The following SMCO4 variants were observed in gnomAD, a reference collection of about 807,000 sequenced individuals.
The protein encoded by SMCO4 is single-pass membrane protein with coiled-coil domains 4.
SMCO4 carries 4 observed loss-of-function variants against 3.6 expected under a neutral mutation model. The ratio of observed to expected loss-of-function variants is 1.11; its 90% CI spans 0.54 to 2.53. SMCO4 has a LOEUF of 2.53. Among genes scored for constraint, SMCO4 ranks in the 30% most tolerant of loss-of-function variants. SMCO4 has a pLI of 0.02. For missense variants in SMCO4, 70 were observed against 80.8 expected (o/e 0.87, Z 0.51); for synonymous variants, 36 against 35.3 (o/e 1.02, Z -0.07).
At chr11:93,525,061 G>A (rs1243373744) in intron 1 of SMCO4, among the ~76,000 whole-genome samples, 1 of 152,090 alleles carries the variant, frequency 6.6e-6, no homozygotes, top group African/African-American at 2.4e-5. Context: ...ATGGGCCAAG[G>A]AGCCACTACT....
intron 1 of SMCO4, among the ~76,000 whole-genome samples, chr11:93,542,912 T>C (rs1385369255): frequency 1.3e-5 from 2 of 152,096 alleles, no homozygotes; most frequent in East Asian, 3.9e-4. Context: ...CCCTTTGCAC[T>C]GCGTCCCCCG....
At chr11:93,501,772 G>T (rs1165450532) in intron 1 of SMCO4, among the ~76,000 whole-genome samples, 3 of 152,120 alleles carry the variant, frequency 2.0e-5, no homozygotes, top group South Asian at 4.1e-4. Flanking sequence ...AACTACGGCG[G>T]GTTTGGGTAT....
Position 93,522,403 on chromosome 11 carries a change from T to C in SMCO4, c.-154+20873A>G, listed in dbSNP as rs183686525. On this transcript the variant is annotated intron_variant, in intron 1 of 2. Coordinates refer to ENST00000298966, the MANE Select transcript of SMCO4 (RefSeq NM_020179.3). ...GTTCTGTCTTTCTCAGCAGAGGGGCTGTGGGCATGGGAGGAAGGGAGACAA... is the reference window on the plus strand; with the variant it reads ...GTTCTGTCTTTCTCAGCAGAGGGGCCGTGGGCATGGGAGGAAGGGAGACAA... Among the ~76,000 whole-genome samples, 162 of 152,310 alleles carry C rather than the reference T, an allele frequency of 1.1e-3. 1 individual carries two copies. The highest frequency in any genetic ancestry group is 1.7e-3 in the Non-Finnish European group (118 of 68,020).
At position 93,478,890 on chromosome 11, in the gene SMCO4, G is replaced by A; in HGVS notation, c.*120C>T. 2 of 1,439,494 alleles carry A rather than the reference G, an allele frequency of 1.4e-6. No individual in the cohort carries two copies. The highest frequency in any genetic ancestry group is 1.8e-6 in the Non-Finnish European group (2 of 1,098,076). The allele number at this position is 1,439,494 out of a possible 1,614,324, so 89.2% of individuals were successfully genotyped here. A position where few individuals can be genotyped will look rare whatever the true frequency, so the allele number is the denominator to read the frequency against. ...TCAAGTCAAAGACCAGAGAAGACAG[G>A]GTGCTCCTGCTTACAGCTCAGCAAC... On this transcript the variant is annotated 3_prime_UTR_variant, in exon 3 of 3. Transcript: ENST00000298966.
chr11:93,482,054 A>G (rs952534052), intron 2 of SMCO4, among the ~76,000 whole-genome samples: 5 of 152,254 alleles, frequency 3.3e-5, no homozygotes, highest in African/African-American at 1.2e-4. Flanking sequence ...AGGCATGGAA[A>G]AAAGCCTCAA....
intron 1 of SMCO4, among the ~76,000 whole-genome samples, chr11:93,521,325 G>A (rs1360824279): frequency 6.6e-6 from 1 of 152,170 alleles, no homozygotes; most frequent in Non-Finnish European, 1.5e-5. Flanking sequence ...GACCCAACAT[G>A]AGTCACTTAA....
intron 2 of SMCO4, among the ~76,000 whole-genome samples, chr11:93,480,070 GT>G (rs1948574037): frequency 6.6e-6 from 1 of 152,212 alleles, no homozygotes; most frequent in African/African-American, 2.4e-5. Context: ...GAATACAAAT[GT>G]TTGGATAACT....
intron 1 of SMCO4, among the ~76,000 whole-genome samples, chr11:93,542,997 C>T (rs1488062473): frequency 6.6e-6 from 1 of 151,814 alleles, no homozygotes; most frequent in Non-Finnish European, 1.5e-5. Flanking sequence ...CTTTTCCCAG[C>T]CCCCGCCCCG....
upstream of SMCO4, among the ~76,000 whole-genome samples, chr11:93,548,087 C>T (rs1048526759): frequency 6.6e-6 from 1 of 152,164 alleles, no homozygotes; most frequent in South Asian, 2.1e-4. Context: ...CTCCCTTGGC[C>T]CCTGTTCATG....
chr11:93,535,828 T>C lies in SMCO4; in HGVS notation c.-154+7448A>G, dbSNP rs1237656505. On this transcript the variant is annotated intron_variant, in intron 1 of 2. Coordinates refer to ENST00000298966, the MANE Select transcript of SMCO4 (RefSeq NM_020179.3). ...AGCAACAGCAGCACAGTAAAGGACA[T>C]ACATTTCCTGCTTTCACCAATTAAC... 7 of 1,594,546 alleles carry C rather than the reference T, an allele frequency of 4.4e-6. No homozygotes were observed. In the South Asian group the frequency reaches 4.4e-5, roughly 10 times the overall value.
chr11:93,513,300 T>C (rs1433426053), intron 1 of SMCO4, among the ~76,000 whole-genome samples: 4 of 152,260 alleles, frequency 2.6e-5, no homozygotes, highest in Admixed American at 1.3e-4. Flanking sequence ...TTAGCCTTTT[T>C]TTGTATGTGA....
rs192736076 is a variant in SMCO4 at position 93,503,431 on chromosome 11, G to A, written c.-153-4083C>T. Among the ~76,000 whole-genome samples, 133 of 152,276 alleles carry A rather than the reference G, an allele frequency of 8.7e-4. 1 individual carries two copies. Among genetic ancestry groups the A allele is most frequent in the Admixed American group, 2.0e-3 (31 of 15,292 alleles). ...CTCCCACAACACGTGGGAATTATGG[G>A]AGCTACAATTCAAGGTGAGATTTGG... On this transcript the variant is annotated intron_variant, in intron 1 of 2. Transcript: ENST00000298966.
chr11:93,505,725 C>T (rs1014289222), intron 1 of SMCO4, among the ~76,000 whole-genome samples: 4 of 152,130 alleles, frequency 2.6e-5, no homozygotes, highest in Admixed American at 2.6e-4. Flanking sequence ...ATTCCCAAAT[C>T]TAGCTGACCA....
chr11:93,535,435 C>CT, intron 1 of SMCO4: 1 of 1,299,738 alleles, frequency 7.7e-7, no homozygotes, highest in Non-Finnish European at 1.1e-6. Flanking sequence ...CTGCTAGGGG[C>CT]TTAAGCAGAG....
intron 2 of SMCO4, among the ~76,000 whole-genome samples, chr11:93,495,461 C>CAGG (rs1565376612): frequency 6.6e-6 from 1 of 152,054 alleles, no homozygotes; most frequent in African/African-American, 2.4e-5. Context: ...CCGACACACA[C>CAGG]AGGAGTAAAG....
intron 2 of SMCO4, among the ~76,000 whole-genome samples, chr11:93,494,257 T>C (rs1356025665): frequency 6.6e-6 from 1 of 152,220 alleles, no homozygotes; most frequent in Non-Finnish European, 1.5e-5. Flanking sequence ...ATATAGACGA[T>C]GCATCTAAAT....
At chr11:93,480,021 C>A (rs1019874964) in intron 2 of SMCO4, among the ~76,000 whole-genome samples, 3 of 152,142 alleles carry the variant, frequency 2.0e-5, no homozygotes, top group African/African-American at 7.2e-5. Context: ...CACGGAGGTG[C>A]CTAACAGGTG....
At chr11:93,540,998 A>C (rs1480754876) in intron 1 of SMCO4, among the ~76,000 whole-genome samples, 1 of 152,256 alleles carries the variant, frequency 6.6e-6, no homozygotes, top group Non-Finnish European at 1.5e-5. Context: ...AGCTGACAAA[A>C]AAGGATTACT....
upstream of SMCO4, among the ~76,000 whole-genome samples, chr11:93,544,354 T>A (rs1009374922): frequency 6.6e-6 from 1 of 152,204 alleles, no homozygotes; most frequent in African/African-American, 2.4e-5. Context: ...ATGTGTGGTA[T>A]TGTCACCTGC....
Sources: gnomAD v4.1 joint callset for allele counts (sites outside exome capture counted in the v4.1 genomes callset) on GRCh38, gnomAD v4.1.1 for gene constraint, MANE v1.5 for transcripts, NCBI Gene and HGNC (gene_info 2026-07-23, HGNC 2026-07-21) for gene names.